Variants in NAV3 observed in about 807,000 individuals in gnomAD.
NAV3 encodes neuron navigator 3.
NAV3 carries 87 observed loss-of-function variants against 244.7 expected under a neutral mutation model. The ratio of observed to expected loss-of-function variants is 0.36; its 90% CI spans 0.30 to 0.42. NAV3 has a LOEUF of 0.42. Among genes scored for constraint, NAV3 ranks in the 20% least tolerant of loss-of-function variants. The pLI, the probability that NAV3 is intolerant of heterozygous loss-of-function variation, is 1.00. For missense variants in NAV3, 2,663 were observed against 2,893.3 expected (o/e 0.92, Z 1.83); for synonymous variants, 1,126 against 1,042.2 (o/e 1.08, Z -1.55).
intron 2 of NAV3, among the ~76,000 whole-genome samples, chr12:77,741,135 G>GAAA (rs71088333): frequency 1.8e-4 from 11 of 60,752 alleles, no homozygotes; most frequent in East Asian, 3.7e-4. Context: ...AATAGTCAAA[G>GAAA]AAAAAAAAAA....
intron 2 of NAV3, among the ~76,000 whole-genome samples, chr12:77,823,310 CAG>C (rs1872823520): frequency 6.6e-6 from 1 of 152,062 alleles, no homozygotes; most frequent in Non-Finnish European, 1.5e-5. Context: ...CAGAGAGACA[CAG>C]AGAGAGATAC....
At chr12:77,725,604 T>C (rs1876841365) in intron 2 of NAV3, among the ~76,000 whole-genome samples, 1 of 151,802 alleles carries the variant, frequency 6.6e-6, no homozygotes, top group Non-Finnish European at 1.5e-5. Flanking sequence ...TGTAGAGAGC[T>C]TGCTCGCAAA....
chr12:77,680,823 G>A (rs141151549), intron 2 of NAV3, among the ~76,000 whole-genome samples: 81 of 152,240 alleles, frequency 5.3e-4, no homozygotes, highest in African/African-American at 1.9e-3. Flanking sequence ...GCCAGGAGTC[G>A]AAAGTGGAGT....
chr12:77,604,672 CCTTT>C (rs1870590703), intron 2 of NAV3, among the ~76,000 whole-genome samples: 1 of 151,808 alleles, frequency 6.6e-6, no homozygotes, highest in Non-Finnish European at 1.5e-5. Context: ...GACTTTCCTT[CCTTT>C]GAGTGTCTAG....
intron 2 of NAV3, among the ~76,000 whole-genome samples, chr12:77,782,982 G>T (rs1412925917): frequency 1.3e-5 from 2 of 152,114 alleles, no homozygotes; most frequent in East Asian, 3.9e-4. Flanking sequence ...GTGGGAGGGA[G>T]CTTGGGAAGA....
intron 1 of NAV3, among the ~76,000 whole-genome samples, chr12:77,876,401 G>A (rs1881853753): frequency 6.6e-6 from 1 of 152,044 alleles, no homozygotes; most frequent in Admixed American, 6.6e-5. Context: ...AATAATTTGA[G>A]ATTGTTCATT....
At chr12:78,099,566 T>C (rs1050575501) in intron 12 of NAV3, among the ~76,000 whole-genome samples, 5 of 151,894 alleles carry the variant, frequency 3.3e-5, no homozygotes, top group African/African-American at 1.2e-4. Context: ...CCAAATGGTC[T>C]TCAATGAATC....
chr12:77,878,921 G>A (rs1882231519), intron 1 of NAV3, among the ~76,000 whole-genome samples: 1 of 152,040 alleles, frequency 6.6e-6, no homozygotes, highest in Admixed American at 6.6e-5. Context: ...TTACATTCCA[G>A]TAAGATGTTT....
chr12:77,633,219 A>G (rs890692994), intron 2 of NAV3, among the ~76,000 whole-genome samples: 26 of 152,134 alleles, frequency 1.7e-4, no homozygotes, highest in African/African-American at 6.3e-4. Context: ...GATTGCAACT[A>G]TAATACTCCT....
intron 1 of NAV3, among the ~76,000 whole-genome samples, chr12:77,902,157 G>A (rs1263010423): frequency 6.6e-6 from 1 of 152,096 alleles, no homozygotes; most frequent in East Asian, 1.9e-4. Flanking sequence ...ATTGGTAGTG[G>A]AACATCTCTT....
intron 2 of NAV3, among the ~76,000 whole-genome samples, chr12:77,621,799 A>G (rs1871384782): frequency 6.6e-6 from 1 of 152,134 alleles, no homozygotes; most frequent in Admixed American, 6.5e-5. Context: ...TCTTAACCAC[A>G]TAGATTGATT....
chr12:78,074,890 A>G (rs1593479811), intron 12 of NAV3, among the ~76,000 whole-genome samples: 1 of 152,094 alleles, frequency 6.6e-6, no homozygotes, highest in African/African-American at 2.4e-5. Flanking sequence ...GTCCAACCCA[A>G]CTCTTGAAAT....
At chr12:77,610,810 C>T (rs77449607) in intron 2 of NAV3, among the ~76,000 whole-genome samples, 1 of 151,880 alleles carries the variant, frequency 6.6e-6, no homozygotes, top group African/African-American at 2.4e-5. Context: ...CAAAGCAGCT[C>T]TTTTTTTGCC....
At chr12:77,884,971 G>T (rs966167349) in intron 1 of NAV3, among the ~76,000 whole-genome samples, 8 of 151,972 alleles carry the variant, frequency 5.3e-5, no homozygotes, top group African/African-American at 1.9e-4. Context: ...AGTAATTTTT[G>T]TTAATAATGA....
At chr12:78,138,899 C>T (rs1956487249) in intron 19 of NAV3, among the ~76,000 whole-genome samples, 1 of 152,082 alleles carries the variant, frequency 6.6e-6, no homozygotes, top group African/African-American at 2.4e-5. Flanking sequence ...AGATTCAAGA[C>T]TTATTGAACT....
chr12:77,675,122 A>G (rs976014106), intron 2 of NAV3, among the ~76,000 whole-genome samples: 1 of 152,246 alleles, frequency 6.6e-6, no homozygotes, highest in Non-Finnish European at 1.5e-5. Context: ...CACATACTAA[A>G]TAACTCATGC....
At chr12:78,156,677 T>C (rs746229483) in intron 22 of NAV3, among the ~76,000 whole-genome samples, 1 of 152,108 alleles carries the variant, frequency 6.6e-6, no homozygotes, top group Non-Finnish European at 1.5e-5. Context: ...TTACATTTCA[T>C]TTAGTAAGTG....
chr12:77,664,353 G>A (rs1873617224), intron 2 of NAV3, among the ~76,000 whole-genome samples: 1 of 152,158 alleles, frequency 6.6e-6, no homozygotes, highest in South Asian at 2.1e-4. Flanking sequence ...ACTGCTTAAT[G>A]TATTATTAAT....
chr12:77,961,131 TTAA>T (rs1593125501), intron 3 of NAV3, among the ~76,000 whole-genome samples: 1 of 146,150 alleles, frequency 6.8e-6, no homozygotes, highest in African/African-American at 2.5e-5. Context: ...AATATATACT[TTAA>T]TAATATATTA....
Sources: gnomAD v4.1 joint callset for allele counts (sites outside exome capture counted in the v4.1 genomes callset) on GRCh38, gnomAD v4.1.1 for gene constraint, MANE v1.5 for transcripts, NCBI Gene and HGNC (gene_info 2026-07-23, HGNC 2026-07-21) for gene names.